Variants in DPH6 observed in about 807,000 individuals in gnomAD.
DPH6 encodes diphthamine biosynthesis 6.
Under a neutral mutation model 38.2 loss-of-function variants are expected in DPH6, and 33 were observed. That is an observed-to-expected ratio of 0.86 (90% CI 0.65 to 1.15). The LOEUF is 1.15. Among genes scored for constraint, DPH6 ranks in the 50% most tolerant of loss-of-function variants. The pLI, the probability that DPH6 is intolerant of heterozygous loss-of-function variation, is 0.00. For missense variants in DPH6, 325 were observed against 320.0 expected (o/e 1.02, Z -0.12); for synonymous variants, 108 against 103.0 (o/e 1.05, Z -0.30).
At chr15:35,415,067 T>G (rs2053418702) in intron 5 of DPH6, among the ~76,000 whole-genome samples, 3 of 152,000 alleles carry the variant, frequency 2.0e-5, no homozygotes, top group Admixed American at 2.0e-4. Flanking sequence ...CACTACTTTT[T>G]GTCTTTTCAT....
chr15:35,278,014 A>G (rs537544230), intron 3 of DPH6, among the ~76,000 whole-genome samples: 1 of 152,216 alleles, frequency 6.6e-6, no homozygotes, highest in Admixed American at 6.5e-5. Flanking sequence ...AAAGGAATAC[A>G]AGCAGATTGT....
chr15:35,419,076 C>G (rs939095248), intron 5 of DPH6, among the ~76,000 whole-genome samples: 1 of 151,568 alleles, frequency 6.6e-6, no homozygotes, highest in East Asian at 1.9e-4. Context: ...CATACACACA[C>G]ACACACACAC....
intron 3 of DPH6, chr15:35,299,188 AC>A (rs2052036510): frequency 2.9e-6 from 4 of 1,359,096 alleles, no homozygotes; most frequent in Non-Finnish European, 3.1e-6. Flanking sequence ...CCTGCAGAAA[AC>A]CCACTGGGAA....
the DPH6 span, among the ~76,000 whole-genome samples, chr15:35,157,322 G>T: frequency 6.6e-6 from 1 of 151,984 alleles, no homozygotes; most frequent in African/African-American, 2.4e-5. Context: ...ATAACTTACT[G>T]GTTTGCTTGC....
intron 3 of DPH6, among the ~76,000 whole-genome samples, chr15:35,301,693 G>A (rs940662009): frequency 5.9e-5 from 9 of 152,090 alleles, no homozygotes; most frequent in African/African-American, 1.4e-4. Context: ...AAATTAGGCC[G>A]GGCGTGGTGG....
At chr15:35,166,336 G>T in the DPH6 span, among the ~76,000 whole-genome samples, 2 of 151,654 alleles carry the variant, frequency 1.3e-5, no homozygotes, top group African/African-American at 4.8e-5. Context: ...TGACTTTCTA[G>T]TTTTCATCAA....
the DPH6 span, among the ~76,000 whole-genome samples, chr15:35,182,241 T>G: frequency 4.9e-5 from 7 of 143,068 alleles, no homozygotes; most frequent in Admixed American, 6.9e-5. Flanking sequence ...TTTTTTTTTT[T>G]TTTTTTTTTT....
intron 3 of DPH6, among the ~76,000 whole-genome samples, chr15:35,350,821 ATTTGTTAAGACCTGT>A (rs1226375771): frequency 2.0e-5 from 3 of 152,106 alleles, no homozygotes; most frequent in Non-Finnish European, 4.4e-5. Context: ...ATTTTCTTAA[ATTTGTTAAGACCTGT>A]TTTGTGGCCT....
chr15:35,225,002 T>C (rs563637899), intron 3 of DPH6, among the ~76,000 whole-genome samples: 117 of 152,348 alleles, frequency 7.7e-4, no homozygotes, highest in African/African-American at 2.8e-3. Flanking sequence ...AGTATTTCTA[T>C]TAATGTCTCC....
the DPH6 span, among the ~76,000 whole-genome samples, chr15:35,207,776 C>A: frequency 2.0e-5 from 3 of 152,130 alleles, no homozygotes; most frequent in Non-Finnish European, 2.9e-5. Flanking sequence ...AATGTATTTT[C>A]TTAAAATAAT....
At chr15:35,526,439 G>A (rs2055004119) in intron 3 of DPH6, among the ~76,000 whole-genome samples, 1 of 152,132 alleles carries the variant, frequency 6.6e-6, no homozygotes, top group African/African-American at 2.4e-5. Flanking sequence ...ATTTTGGTAA[G>A]TTTAACAATT....
the DPH6 span, among the ~76,000 whole-genome samples, chr15:35,178,828 T>C: frequency 1.9e-4 from 29 of 152,184 alleles, 1 homozygote; most frequent in Admixed American, 5.2e-4. Flanking sequence ...AACTGTAAGC[T>C]TTTGAATAAC....
At chr15:35,328,770 C>T, downstream of DPH6, among the ~76,000 whole-genome samples, 1 of 152,106 alleles carries the variant, frequency 6.6e-6, no homozygotes, top group East Asian at 1.9e-4. Context: ...GTGTATTAGT[C>T]CATTCATGCT....
intron 3 of DPH6, among the ~76,000 whole-genome samples, chr15:35,475,747 A>C (rs1228394939): frequency 6.6e-6 from 1 of 151,840 alleles, no homozygotes; most frequent in East Asian, 1.9e-4. Context: ...ACCAGAAAGT[A>C]ATGTTAAAAA....
chr15:35,441,219 A>G (rs577446387), intron 5 of DPH6, among the ~76,000 whole-genome samples: 30 of 152,320 alleles, frequency 2.0e-4, no homozygotes, highest in African/African-American at 7.2e-4. Context: ...GTGGGAGTGT[A>G]AATTAGTTCA....
intron 3 of DPH6, among the ~76,000 whole-genome samples, chr15:35,477,528 T>C (rs1202743301): frequency 3.3e-5 from 5 of 151,876 alleles, no homozygotes; most frequent in East Asian, 3.9e-4. Context: ...GTATGATGCA[T>C]TGGTTCCTGG....
At chr15:35,314,204 C>A (rs113655018) in intron 3 of DPH6, among the ~76,000 whole-genome samples, 1 of 151,824 alleles carries the variant, frequency 6.6e-6, no homozygotes, top group African/African-American at 2.4e-5. Flanking sequence ...TACTCAATAT[C>A]AGTAATCAGA....
intron 3 of DPH6, among the ~76,000 whole-genome samples, chr15:35,296,853 G>A (rs765629098): frequency 8.8e-6 from 1 of 113,912 alleles, no homozygotes; most frequent in Non-Finnish European, 1.5e-5. Context: ...GCCGGACTGC[G>A]GACTGCAGTG....
intron 6 of DPH6, chr15:35,401,331 C>T (rs2140977561): frequency 3.9e-6 from 3 of 775,066 alleles, no homozygotes; most frequent in Non-Finnish European, 2.3e-6. Flanking sequence ...ATCATGGTGG[C>T]TTTGGTGGCA....
Sources: gnomAD v4.1 joint callset for allele counts (sites outside exome capture counted in the v4.1 genomes callset) on GRCh38, gnomAD v4.1.1 for gene constraint, MANE v1.5 for transcripts, NCBI Gene and HGNC (gene_info 2026-07-23, HGNC 2026-07-21) for gene names.